ZNF540: variants seen among roughly 807,000 people sequenced by gnomAD.
ZNF540 encodes the protein CTD-3064H18.6.
ZNF540 carries 3 observed loss-of-function variants against 11.8 expected under a neutral mutation model. That is an observed-to-expected ratio of 0.25 (90% CI 0.12 to 0.65). The LOEUF is 0.65. ZNF540 is among the 30% of genes least tolerant of loss of function. The pLI is 0.83. For missense variants in ZNF540, 709 were observed against 793.1 expected, an observed-to-expected ratio of 0.89 and a Z score of 1.27; for synonymous variants, 247 against 259.0, an observed-to-expected ratio of 0.95 and a Z score of 0.45.
At chr19:37,600,819 G>A (rs1224780855) in intron 3 of ZNF540, among the ~76,000 whole-genome samples, 191 bp from the exon 4 acceptor site, 3 of 151,958 alleles carry the variant, frequency 2.0e-5, no homozygotes, top group Non-Finnish European at 2.9e-5. Flanking sequence ...TAATTCCCCT[G>A]CCCATCAAGT....
At chr19:37,586,573 G>A (rs2306201) in intron 1 of ZNF540, 497,843 of 1,478,060 alleles carry the variant, frequency 0.34, 90,391 homozygotes, top group Non-Finnish European at 0.38. Flanking sequence ...TTCCCTTAAG[G>A]AACCAAACAA....
At chr19:37,557,702 A>G (rs373410874) in intron 1 of ZNF540, among the ~76,000 whole-genome samples, 1 of 152,158 alleles carries the variant, frequency 6.6e-6, no homozygotes, top group African/African-American at 2.4e-5. Context: ...GGATTTAAAC[A>G]CCGTGTGGAA....
At chr19:37,607,298 A>G (rs1600562564) in intron 4 of ZNF540, among the ~76,000 whole-genome samples, 1 of 152,192 alleles carries the variant, frequency 6.6e-6, no homozygotes, top group East Asian at 1.9e-4. Context: ...GTTACAGTTG[A>G]TAAACCTACA....
chr19:37,613,265 A>G lies in ZNF540; in HGVS notation c.*2A>G, dbSNP rs371632283. 4.7e-6 allele frequency: 7 copies of G among 1,480,250 alleles called. No homozygotes were observed. In the East Asian group the frequency reaches 9.1e-5, roughly 19 times the overall value. 91.7% of individuals were successfully genotyped at this position (1,480,250 alleles called of 1,614,324 possible). On this transcript the variant is annotated 3_prime_UTR_variant, in exon 5 of 5. Transcript: ENST00000316433. The stretch of plus-strand genomic sequence containing the variant: ...CAGAAAACTCATAATGTAATTTAAT[A>G]TAAGAAAAGGTTTCCATGTCATGCT...
At chr19:37,563,155 C>CCAT (rs1182166411) in intron 1 of ZNF540, 1 of 151,376 alleles carries the variant, frequency 6.6e-6, no homozygotes, top group Non-Finnish European at 1.5e-5. Context: ...TAGTGAGACC[C>CCAT]CATCTCTAAA....
intron 1 of ZNF540, among the ~76,000 whole-genome samples, chr19:37,577,210 C>T (rs1332350828): frequency 2.0e-5 from 3 of 152,056 alleles, no homozygotes; most frequent in Non-Finnish European, 4.4e-5. Flanking sequence ...TCATCACCCT[C>T]CTCAAATATT....
chr19:37,592,638 TCAG>T (rs1353914468), upstream of ZNF540, among the ~76,000 whole-genome samples: 1 of 152,164 alleles, frequency 6.6e-6, no homozygotes, highest in African/African-American at 2.4e-5. Context: ...AAGTGGGACA[TCAG>T]ACTGTAAGGG....
At chr19:37,604,258 G>A (rs1210282910) in intron 4 of ZNF540, among the ~76,000 whole-genome samples, 1 of 80,294 alleles carries the variant, frequency 1.2e-5, no homozygotes, top group Admixed American at 1.3e-4. Context: ...GGATTATTTT[G>A]TTTAGAGCAT....
chr19:37,558,295 T>C (rs1402979876), intron 1 of ZNF540, among the ~76,000 whole-genome samples: 1 of 152,230 alleles, frequency 6.6e-6, no homozygotes, highest in Non-Finnish European at 1.5e-5. Context: ...AAAAGCTGAC[T>C]GATATTCATT....
At chr19:37,565,646 C>A (rs1431201758) in intron 1 of ZNF540, 2 of 1,613,200 alleles carry the variant, frequency 1.2e-6, no homozygotes, top group Admixed American at 3.3e-5. Context: ...TGAACAATAA[C>A]TAAAGGCTTT....
At chr19:37,582,464 G>A (rs1340841474) in intron 1 of ZNF540, among the ~76,000 whole-genome samples, 1 of 152,022 alleles carries the variant, frequency 6.6e-6, no homozygotes, top group Non-Finnish European at 1.5e-5. Flanking sequence ...CTGAATGTTG[G>A]AACACCCCAT....
At chr19:37,590,963 A>G (rs1041057800), upstream of ZNF540, among the ~76,000 whole-genome samples, 1 of 152,248 alleles carries the variant, frequency 6.6e-6, no homozygotes, top group Non-Finnish European at 1.5e-5. Context: ...AACGTAAATT[A>G]TATTAATGTT....
intron 1 of ZNF540, among the ~76,000 whole-genome samples, chr19:37,589,200 C>CAAAAAA (rs35689698): frequency 1.8e-5 from 2 of 108,900 alleles, no homozygotes; most frequent in Admixed American, 1.0e-4. Context: ...AACTCCGTCT[C>CAAAAAA]AAAAAAAAAA....
At chr19:37,602,589 G>A (rs1045788045) in intron 4 of ZNF540, among the ~76,000 whole-genome samples, 2 of 152,180 alleles carry the variant, frequency 1.3e-5, no homozygotes, top group Non-Finnish European at 2.9e-5. Context: ...TTTAGCGAAT[G>A]AGTTTCATAG....
Position 37,612,686 on chromosome 19 carries a change from G to A in ZNF540, c.1406G>A (p.Cys469Tyr). ...RLHTGVKPYE[C>Y]KECGKTFRVR... ...CATACTGGTGTGAAGCCCTACGAATGTAAGGAATGTGGGAAGACCTTTCGA... is the reference window on the plus strand; with the variant it reads ...CATACTGGTGTGAAGCCCTACGAATATAAGGAATGTGGGAAGACCTTTCGA... Residue 469 changes from cysteine (C) to tyrosine (Y), a missense_variant, in exon 5 of 5, where the codon TGT (cysteine) becomes TAT (tyrosine). Coordinates refer to ENST00000316433, the MANE Select transcript of ZNF540 (RefSeq NM_001172225.3). 4 of 1,614,160 alleles carry A rather than the reference G, an allele frequency of 2.5e-6. No homozygotes were observed. The highest frequency in any genetic ancestry group is 1.1e-5 in the South Asian group (1 of 91,080).
chr19:37,559,678 T>C (rs1275474056), intron 1 of ZNF540, among the ~76,000 whole-genome samples: 1 of 152,186 alleles, frequency 6.6e-6, no homozygotes, highest in African/African-American at 2.4e-5. Context: ...GGAAAAGGTA[T>C]ATAGCATGCT....
chr19:37,611,577 A>G lies in ZNF540; in HGVS notation c.297A>G (p.Leu99=), dbSNP rs2044128805. The G allele has an allele frequency of 6.2e-7, 1 of 1,613,080 alleles. No homozygotes were observed. The highest frequency in any genetic ancestry group is 8.5e-7 in the Non-Finnish European group (1 of 1,179,738). ...SSEKDIHEIS[L]SKESIIEKSK... ...AAAAGGACATTCATGAAATCAGTTT[A>G]TCCAAAGAGAGTATAATAGAAAAAA... Residue 99 remains leucine, a synonymous_variant, in exon 5 of 5, where the codon TTA becomes TTG. Coordinates refer to ENST00000316433, the MANE Select transcript of ZNF540 (RefSeq NM_001172225.3).
chr19:37,562,421 CAA>C lies in ZNF540; in HGVS notation c.-73+10757_-73+10758del, dbSNP rs1268075071. On this transcript the variant is annotated intron_variant, in intron 1 of 4. Transcript: ENST00000592533. ...CCAAAAAAGATAATGTATTAGAAGACAAGAGATAACACTGCATATAGAAAAGG... is the reference window on the plus strand; with the variant it reads ...CCAAAAAAGATAATGTATTAGAAGACGAGATAACACTGCATATAGAAAAGG... 3.9e-5 allele frequency: 6 copies of C among 151,954 alleles called. No homozygotes were observed. The East Asian group carries it at 7.7e-4, about 19-fold the overall frequency. The allele number at this position is 151,954 out of a possible 1,614,324, so 9.4% of individuals were successfully genotyped here. A position where few individuals can be genotyped will look rare whatever the true frequency, so the allele number is the denominator to read the frequency against.
intron 1 of ZNF540, chr19:37,562,376 C>CG (rs1328842331): frequency 7.4e-6 from 1 of 135,672 alleles, no homozygotes; most frequent in Non-Finnish European, 1.7e-5. Flanking sequence ...AGCGAAACTC[C>CG]GTTTTTTTTT....
Sources: gnomAD v4.1 joint callset for allele counts (sites outside exome capture counted in the v4.1 genomes callset) on GRCh38, gnomAD v4.1.1 for gene constraint, MANE v1.5 for transcripts, NCBI Gene and HGNC (gene_info 2026-07-23, HGNC 2026-07-21) for gene names.